Variants in FADS3 observed in about 807,000 individuals in gnomAD.
FADS3 encodes the protein fatty acid desaturase 3.
Under a neutral mutation model 60.4 loss-of-function variants are expected in FADS3, and 30 were observed. The observed-to-expected ratio is 0.50, with a 90% CI of 0.37 to 0.67. The LOEUF is 0.67. FADS3 is among the 30% of genes least tolerant of loss of function. The pLI is 0.00. For missense variants in FADS3, 432 were observed against 598.3 expected (o/e 0.72, Z 2.90); for synonymous variants, 234 against 249.3 (o/e 0.94, Z 0.58).
chr11:61,891,249 C>T lies in FADS3; in HGVS notation c.133G>A (p.Val45Ile). 1 of 1,545,160 alleles carries T rather than the reference C, an allele frequency of 6.5e-7. No homozygotes were observed. Among genetic ancestry groups the T allele is most frequent in the Non-Finnish European group, 8.7e-7 (1 of 1,147,670 alleles). ...GDKWLVIERR[V>I]YDISRWAQRH... is the part of the protein sequence containing the mutation. Reference sequence around the variant, plus strand: ...TGTGCCCAGCGGCTGATGTCGTAGACGCGGCGCTCGATGACCAGCCACTTG... The same window carrying T: ...TGTGCCCAGCGGCTGATGTCGTAGATGCGGCGCTCGATGACCAGCCACTTG... The change falls in exon 1 of 12, where the codon GTC becomes ATC. Residue 45 changes from valine (V) to isoleucine (I), a missense_variant. Around this residue, in one of 5 missense-constraint regions of FADS3, gnomAD observed 167 missense variants for 188.8 expected, o/e 0.88. Transcript: ENST00000278829.
intron 1 of FADS3, 132 bp downstream of exon 1, chr11:61,891,037 C>G: frequency 1.2e-6 from 1 of 806,732 alleles, no homozygotes; most frequent in Non-Finnish European, 2.0e-6. Context: ...AACTCTGGGT[C>G]CCGGCGTGGA....
chr11:61,889,649 G>A (rs575788736), intron 1 of FADS3, among the ~76,000 whole-genome samples: 1 of 151,858 alleles, frequency 6.6e-6, no homozygotes, highest in African/African-American at 2.4e-5. Flanking sequence ...TCTGTCTCCG[G>A]CGGTTGGTGG....
chr11:61,887,957 G>A (rs759040121), intron 1 of FADS3, among the ~76,000 whole-genome samples: 3 of 152,188 alleles, frequency 2.0e-5, no homozygotes, highest in Non-Finnish European at 2.9e-5. Flanking sequence ...GCCTCATAGG[G>A]GCACCTTGAG....
intron 1 of FADS3, among the ~76,000 whole-genome samples, chr11:61,884,498 T>C (rs1938242130): frequency 6.6e-6 from 1 of 152,172 alleles, no homozygotes; most frequent in Admixed American, 6.5e-5. Flanking sequence ...AGCGAAAAAC[T>C]GTGCTTGTCG....
chr11:61,879,179 A>G lies in FADS3; in HGVS notation c.522+133T>C, dbSNP rs944386479. On this transcript the variant is annotated intron_variant, in intron 3 of 11. Coordinates refer to ENST00000278829, the MANE Select transcript of FADS3 (RefSeq NM_021727.5). ...GGGCCTTCAGACTGTTCACTCATTC[A>G]TCTGTTTATTCATCCATTCATCCTT... 19 of 833,950 alleles carry G rather than the reference A, an allele frequency of 2.3e-5. No individual in the cohort carries two copies. In the African/African-American group the frequency reaches 3.0e-4, roughly 13 times the overall value. 51.7% of individuals were successfully genotyped at this position (833,950 alleles called of 1,614,324 possible).
At chr11:61,879,240 A>T in intron 3 of FADS3, 72 bp downstream of exon 3, 1 of 1,332,964 alleles carries the variant, frequency 7.5e-7, no homozygotes, top group Non-Finnish European at 1.0e-6. Context: ...AAATATGTTC[A>T]CAATGCCCAG....
chr11:61,891,496 C>T lies in FADS3; in HGVS notation c.-115G>A. 1 of 655,174 alleles carries T rather than the reference C, an allele frequency of 1.5e-6. No individual in the cohort carries two copies. The highest frequency in any genetic ancestry group is 2.1e-6 in the Non-Finnish European group (1 of 467,486). The allele number at this position is 655,174 out of a possible 1,614,324, so 40.6% of individuals were successfully genotyped here. A position where few individuals can be genotyped will look rare whatever the true frequency, so the allele number is the denominator to read the frequency against. ...TCCGCCGCCGCCCGCTGCTCCGGCC[C>T]CGCCCTGCCGCCGCGGCCGCCGTAC... On this transcript the variant is annotated 5_prime_UTR_variant, in exon 1 of 12. Transcript: ENST00000278829.
intron 1 of FADS3, chr11:61,881,435 G>A (rs773710461): frequency 6.6e-6 from 1 of 152,208 alleles, no homozygotes; most frequent in African/African-American, 2.4e-5. Flanking sequence ...ATTGTTCACA[G>A]CTCTTGGACT....
rs1189914038 is a variant in FADS3, at chr11:61,873,660, A to T, written c.*154T>A. 7 of 677,420 alleles carry T rather than the reference A, an allele frequency of 1.0e-5. No individual in the cohort carries two copies. The East Asian group carries it at 1.9e-4, about 18-fold the overall frequency. The allele number at this position is 677,420 out of a possible 1,614,324, so 42.0% of individuals were successfully genotyped here. A position where few individuals can be genotyped will look rare whatever the true frequency, so the allele number is the denominator to read the frequency against. ...CCAAGGCCATAGGGCTGCTGAATACACATGTGAGGGGGCCGAGGGGAAGAC... is the reference window on the plus strand; with the variant it reads ...CCAAGGCCATAGGGCTGCTGAATACTCATGTGAGGGGGCCGAGGGGAAGAC... On this transcript the variant is annotated 3_prime_UTR_variant, in exon 12 of 12. Coordinates refer to ENST00000278829, the MANE Select transcript of FADS3 (RefSeq NM_021727.5).
In FADS3 at chr11:61,873,875, G is replaced by T; in HGVS notation, c.1287-10C>A. 2 of 1,598,878 alleles carry T rather than the reference G, an allele frequency of 1.3e-6. No individual in the cohort carries two copies. Among genetic ancestry groups the T allele is most frequent in the Non-Finnish European group, 8.5e-7 (1 of 1,169,858 alleles). On this transcript the variant is annotated splice_polypyrimidine_tract_variant and intron_variant, in intron 11 of 11. Transcript: ENST00000278829. ...AGACTTCTTCAGGGACCTGGGAGGT[G>T]GGGGTGGCAGTGGGGGTGGGTGTTA...
intron 2 of FADS3, 47 bp from the exon 3 acceptor site, chr11:61,879,556 A>C (rs775917016): frequency 4.6e-6 from 7 of 1,520,110 alleles, no homozygotes; most frequent in East Asian, 4.8e-5. Context: ...ATTCCTCCCC[A>C]CCCCCATTCT....
In FADS3 at chr11:61,876,503, C is replaced by G; in HGVS notation, c.984-48G>C. The G allele has an allele frequency of 2.7e-6, 4 of 1,457,334 alleles. No homozygotes were observed. The highest frequency in any genetic ancestry group is 3.9e-6 in the Non-Finnish European group (4 of 1,038,648). The allele number at this position is 1,457,334 out of a possible 1,614,324, so 90.3% of individuals were successfully genotyped here. A position where few individuals can be genotyped will look rare whatever the true frequency, so the allele number is the denominator to read the frequency against. On this transcript the variant is annotated intron_variant, in intron 8 of 11. Transcript: ENST00000278829. This position sits in a 1 kb window ranked among gnomAD's most constrained non-coding sequence, Gnocchi z 5.7. ...CCCTAGGTCCAGCTCACCACTTAGGCACCCTGAGTGGAGGCTGGAGAGCAG... is the reference window on the plus strand; with the variant it reads ...CCCTAGGTCCAGCTCACCACTTAGGGACCCTGAGTGGAGGCTGGAGAGCAG...
Position 61,879,497 on chromosome 11 carries a change from C to A in FADS3, c.337G>T (p.Glu113Ter). 6.3e-7 allele frequency: 1 copy of A among 1,578,698 alleles called. No individual in the cohort carries two copies. The highest frequency in any genetic ancestry group is 1.2e-5 in the South Asian group (1 of 86,538). The change falls in exon 3 of 12, where the codon GAG becomes TAG. Residue 113 changes from glutamate (E) to a stop codon, truncating the protein, a stop_gained. Transcript: ENST00000278829. LOFTEE classifies it high-confidence loss of function. ...GCCTGGTGCAGGGCTCGGAAGTCCT[C>A]GACCAGCTGCGCCTGCCATAGCAGA... ...QDGPLNAQLV[E>*]DFRALHQAAE...
At chr11:61,885,613 G>A (rs1195075003) in intron 1 of FADS3, among the ~76,000 whole-genome samples, 1 of 152,228 alleles carries the variant, frequency 6.6e-6, no homozygotes. Flanking sequence ...GGCTGGGAGA[G>A]AGGAGGGGCT....
chr11:61,879,816 G>A (rs7942717), intron 2 of FADS3, among the ~76,000 whole-genome samples: 135,968 of 152,238 alleles, frequency 0.89, 60,883 homozygotes, highest in East Asian at 0.99. Flanking sequence ...GATCCAAACG[G>A]GTGCCTGGCT....
In FADS3 at chr11:61,876,912, G is replaced by A. The variant is rs764382150; in HGVS notation, c.937C>T (p.Pro313Ser). The A allele has an allele frequency of 5.0e-6, 8 of 1,611,094 alleles. No individual in the cohort carries two copies. Among genetic ancestry groups the A allele is most frequent in the Non-Finnish European group, 6.8e-6 (8 of 1,179,228 alleles). ...FYARFFLSYLPFYGVPGVLLF... is the reference protein window; with the variant it reads ...FYARFFLSYLSFYGVPGVLLF... ...AGCACCCCAGGGACGCCGTAGAAGG[G>A]GAGGTAGGATAAGAAGAAGCGGGCA... The change falls in exon 8 of 12, where the codon CCC becomes TCC. Residue 313 changes from proline to serine, a missense_variant. By Grantham distance (74) the Pro-to-Ser change is moderately conservative. Transcript: ENST00000278829. The surrounding 1 kb of genome is among the most constrained non-coding windows in gnomAD (Gnocchi z 5.7).
At chr11:61,886,082 C>T (rs2136000410) in intron 1 of FADS3, among the ~76,000 whole-genome samples, 1 of 152,330 alleles carries the variant, frequency 6.6e-6, no homozygotes, top group East Asian at 1.9e-4. Flanking sequence ...CGAAGGCAGA[C>T]ACCCCCAAAA....
At chr11:61,879,080 C>T (rs1438030819) in intron 3 of FADS3, among the ~76,000 whole-genome samples, 2 of 152,218 alleles carry the variant, frequency 1.3e-5, no homozygotes, top group Non-Finnish European at 2.9e-5. Context: ...TGGCCCTGTG[C>T]TTGATCGGAA....
In FADS3 at chr11:61,877,818, C is replaced by T; in HGVS notation, c.809-231G>A. ...CCGCAAGTCAGGGCCAGACTTGAGTCCTCACTCTGTCCGCCCCAACAACTG... is the reference window on the plus strand; with the variant it reads ...CCGCAAGTCAGGGCCAGACTTGAGTTCTCACTCTGTCCGCCCCAACAACTG... On this transcript the variant is annotated intron_variant, in intron 6 of 11. Coordinates refer to ENST00000278829, the MANE Select transcript of FADS3 (RefSeq NM_021727.5). This position sits in a 1 kb window ranked among gnomAD's most constrained non-coding sequence, Gnocchi z 4.7. 6.7e-6 allele frequency: 4 copies of T among 599,352 alleles called. No homozygotes were observed. The East Asian group carries it at 8.3e-5, about 12-fold the overall frequency. The allele number at this position is 599,352 out of a possible 1,614,324, so 37.1% of individuals were successfully genotyped here.
Sources: gnomAD v4.1 joint callset for allele counts (sites outside exome capture counted in the v4.1 genomes callset) on GRCh38, gnomAD v4.1.1 for gene constraint, gnomAD v4.1.1 regional missense constraint, Gnocchi (gnomAD v3.1) non-coding constraint, MANE v1.5 for transcripts, NCBI Gene and HGNC (gene_info 2026-07-23, HGNC 2026-07-21) for gene names.